The following FOXP1 variants were observed in gnomAD, a reference collection of about 807,000 sequenced individuals.
FOXP1 encodes forkhead box P1, also known as forkhead box protein P1.
A neutral mutation model predicts 98.2 loss-of-function variants in FOXP1; 15 were observed. The observed-to-expected ratio is 0.15, with a 90% CI of 0.10 to 0.24. The LOEUF (loss-of-function observed/expected upper bound fraction) is 0.24. Ranked by LOEUF, FOXP1 falls within the 10% of genes least tolerant of loss-of-function variation. FOXP1 has a pLI of 1.00. For synonymous variants in FOXP1, 371 were observed against 314.5 expected (o/e 1.18, Z -1.90); for missense variants, 633 against 848.5 (o/e 0.75, Z 3.15).
intron 5 of FOXP1, among the ~76,000 whole-genome samples, chr3:71,213,433 T>C (rs73839443): frequency 0.01 from 1,557 of 152,362 alleles, 24 homozygotes; most frequent in African/African-American, 0.035. Context: ...TATAAAGAAC[T>C]GTATCTGAAA....
At chr3:71,407,665 T>C (rs535608530) in intron 3 of FOXP1, among the ~76,000 whole-genome samples, 1 of 152,114 alleles carries the variant, frequency 6.6e-6, no homozygotes, top group South Asian at 2.1e-4. Flanking sequence ...ACTGTGCGTG[T>C]GTGTGTGTGT....
At chr3:71,544,824 G>C (rs2045225331) in intron 2 of FOXP1, among the ~76,000 whole-genome samples, 1 of 140,226 alleles carries the variant, frequency 7.1e-6, no homozygotes, top group Non-Finnish European at 1.5e-5. Context: ...CAGGCAATGA[G>C]GGTAGTCAAG....
chr3:71,088,224 GACTCAGTCCCTC>G (rs1176039245), intron 7 of FOXP1, among the ~76,000 whole-genome samples: 1 of 152,158 alleles, frequency 6.6e-6, no homozygotes, highest in East Asian at 1.9e-4. Context: ...ATAGACGCAA[GACTCAGTCCCTC>G]ACTCAGTCAA....
intron 2 of FOXP1, among the ~76,000 whole-genome samples, chr3:71,498,116 T>C (rs538721785): frequency 1.3e-5 from 2 of 152,184 alleles, no homozygotes; most frequent in African/African-American, 4.8e-5. Flanking sequence ...TGCCACAGTC[T>C]AGCCATGGAG....
chr3:71,020,477 T>C (rs2045265703), intron 11 of FOXP1, among the ~76,000 whole-genome samples: 1 of 152,212 alleles, frequency 6.6e-6, no homozygotes, highest in African/African-American at 2.4e-5. Flanking sequence ...CCAAGGTCAC[T>C]ACTTAACCAA....
At chr3:71,423,788 G>A (rs868029513) in intron 3 of FOXP1, among the ~76,000 whole-genome samples, 25 of 152,144 alleles carry the variant, frequency 1.6e-4, no homozygotes, top group Admixed American at 5.2e-4. Flanking sequence ...ATGCTCCCCC[G>A]CCGCCCCGCC....
At chr3:71,232,842 G>A (rs1000027272) in intron 5 of FOXP1, among the ~76,000 whole-genome samples, 3 of 120,186 alleles carry the variant, frequency 2.5e-5, no homozygotes, top group East Asian at 2.7e-4. Flanking sequence ...AAGTTATAAC[G>A]AGCTGAGATC....
intron 7 of FOXP1, among the ~76,000 whole-genome samples, chr3:71,106,410 A>G (rs994808522): frequency 3.9e-5 from 6 of 152,098 alleles, no homozygotes; most frequent in Non-Finnish European, 7.4e-5. Flanking sequence ...ATCTCGGCTC[A>G]CTGCAACCTC....
chr3:71,297,313 T>C (rs2073399798), intron 5 of FOXP1, among the ~76,000 whole-genome samples: 1 of 152,192 alleles, frequency 6.6e-6, no homozygotes, highest in South Asian at 2.1e-4. Flanking sequence ...GACAAATTTC[T>C]AGAAACATTT....
intron 4 of FOXP1, among the ~76,000 whole-genome samples, chr3:71,358,490 G>C: frequency 6.6e-6 from 1 of 152,216 alleles, no homozygotes; most frequent in Admixed American, 6.5e-5. Context: ...CATCACATTC[G>C]TAAGGAGTTT....
rs546307720 is a variant in FOXP1, at chr3:71,482,947, C to A, written c.-168+10479G>T. 1.1e-4 allele frequency among the ~76,000 whole-genome samples: 17 copies of A among 151,984 alleles called. 1 individual carries two copies. The highest frequency in any genetic ancestry group is 2.4e-4 in the African/African-American group (10 of 41,444). On this transcript the variant is annotated intron_variant, in intron 3 of 20. Coordinates refer to ENST00000649528, the MANE Select transcript of FOXP1 (RefSeq NM_001349338.3). Reference sequence around the variant, plus strand: ...CCTCCAGGATTCAAACTATCCCCCCCACCTCAGCCTCCCATGTAGCTGGGA... The same window carrying A: ...CCTCCAGGATTCAAACTATCCCCCCAACCTCAGCCTCCCATGTAGCTGGGA...
intron 6 of FOXP1, among the ~76,000 whole-genome samples, chr3:71,125,104 G>T (rs894749866): frequency 6.6e-6 from 1 of 152,180 alleles, no homozygotes; most frequent in African/African-American, 2.4e-5. Flanking sequence ...ATTCACCCAT[G>T]CCTTGCCAAT....
At chr3:71,502,135 A>G (rs555324801) in intron 2 of FOXP1, among the ~76,000 whole-genome samples, 2 of 152,288 alleles carry the variant, frequency 1.3e-5, no homozygotes, top group East Asian at 1.9e-4. Flanking sequence ...CATTTTCACA[A>G]ATACCTTCCA....
At chr3:71,311,067 ACTT>A (rs2107620124) in intron 4 of FOXP1, among the ~76,000 whole-genome samples, 1 of 151,872 alleles carries the variant, frequency 6.6e-6, no homozygotes, top group Admixed American at 6.6e-5. Context: ...TCCCCCTCCC[ACTT>A]TTTTTTGTTT....
intron 2 of FOXP1, among the ~76,000 whole-genome samples, chr3:71,506,998 C>A (rs912481928): frequency 6.6e-6 from 1 of 152,180 alleles, no homozygotes; most frequent in Non-Finnish European, 1.5e-5. Context: ...CGGCTCCACA[C>A]CTGAGAGCTG....
At chr3:71,407,639 T>G (rs1239825680) in intron 3 of FOXP1, among the ~76,000 whole-genome samples, 1 of 152,080 alleles carries the variant, frequency 6.6e-6, no homozygotes, top group Non-Finnish European at 1.5e-5. Flanking sequence ...GTATCAGGGT[T>G]GTGAGATACA....
At chr3:71,027,191 G>A (rs2046245361) in intron 11 of FOXP1, among the ~76,000 whole-genome samples, 1 of 151,980 alleles carries the variant, frequency 6.6e-6, no homozygotes, top group Admixed American at 6.6e-5. Flanking sequence ...GCACTGGTGA[G>A]TCACAAGGTC....
chr3:71,191,927 GTCTTCAAT>G (rs1219362502), intron 6 of FOXP1, among the ~76,000 whole-genome samples: 1 of 152,166 alleles, frequency 6.6e-6, no homozygotes, highest in Non-Finnish European at 1.5e-5. Flanking sequence ...ACTATGCAAG[GTCTTCAAT>G]AAAAGTGTAT....
At chr3:71,300,513 G>A (rs548738592) in intron 4 of FOXP1, among the ~76,000 whole-genome samples, 43 of 152,176 alleles carry the variant, frequency 2.8e-4, no homozygotes, top group Non-Finnish European at 4.7e-4. Context: ...TTGAAATCAA[G>A]CTTCCTAAAA....
Sources: gnomAD v4.1 joint callset for allele counts (sites outside exome capture counted in the v4.1 genomes callset) on GRCh38, gnomAD v4.1.1 for gene constraint, MANE v1.5 for transcripts, NCBI Gene and HGNC (gene_info 2026-07-23, HGNC 2026-07-21) for gene names.